Variants in MYO16 observed in about 807,000 individuals in gnomAD.
The protein encoded by MYO16 is unconventional myosin-XVI.
MYO16 carries 94 observed loss-of-function variants against 205.3 expected under a neutral mutation model. That is an observed-to-expected ratio of 0.46 (90% CI 0.39 to 0.54). The LOEUF is 0.54. MYO16 is among the 20% of genes least tolerant of loss of function. MYO16 has a pLI of 0.00. For synonymous variants in MYO16, 988 were observed against 954.0 expected (o/e 1.04, Z -0.66); for missense variants, 2,315 against 2,387.5 (o/e 0.97, Z 0.63).
At chr13:108,516,824 T>G in the MYO16 span, among the ~76,000 whole-genome samples, 1 of 152,228 alleles carries the variant, frequency 6.6e-6, no homozygotes, top group Admixed American at 6.5e-5. Context: ...TCAGTTTTGC[T>G]GCTGGGTACA....
chr13:108,793,328 T>C (rs977903812), intron 5 of MYO16, among the ~76,000 whole-genome samples, 188 bp from the exon 6 acceptor site: 1 of 148,522 alleles, frequency 6.7e-6, no homozygotes, highest in African/African-American at 2.6e-5. Flanking sequence ...TAATTTTATA[T>C]TTTTTAAAGA....
intron 4 of MYO16, among the ~76,000 whole-genome samples, chr13:108,771,840 A>G (rs1183751284): frequency 6.6e-6 from 1 of 151,944 alleles, no homozygotes; most frequent in Admixed American, 6.6e-5. Context: ...TCATTTTTGT[A>G]TAACTGTGAC....
In MYO16 at chr13:109,032,190, G is replaced by A. The variant is rs117014116; in HGVS notation, c.2796+12279G>A. Among the ~76,000 whole-genome samples the A allele has an allele frequency of 2.0e-5, 3 of 152,174 alleles. No homozygotes were observed. In the East Asian group the frequency reaches 5.8e-4, roughly 29 times the overall value. On this transcript the variant is annotated intron_variant, in intron 23 of 34. Coordinates refer to ENST00000457511, the MANE Select transcript of MYO16 (RefSeq NM_001198950.3). ...TGATTCCACATAGACCCTCTCTACTGGACTCCATGATTTCCAACTTCCCAT... is the reference window on the plus strand; with the variant it reads ...TGATTCCACATAGACCCTCTCTACTAGACTCCATGATTTCCAACTTCCCAT...
intron 16 of MYO16, among the ~76,000 whole-genome samples, chr13:108,941,045 CCAA>C (rs1361793730): frequency 6.6e-6 from 1 of 152,074 alleles, no homozygotes; most frequent in African/African-American, 2.4e-5. Flanking sequence ...GGTTTTCACA[CCAA>C]CAACAAAAAC....
rs866700848 is a variant in MYO16 at position 109,023,653 on chromosome 13, A to C, written c.2796+3742A>C. ...GACAAATATATATACAAATATATGTATATATGTATATATGCAAATATATGT... is the reference window on the plus strand; with the variant it reads ...GACAAATATATATACAAATATATGTCTATATGTATATATGCAAATATATGT... On this transcript the variant is annotated intron_variant, in intron 23 of 34. Coordinates refer to ENST00000457511, the MANE Select transcript of MYO16 (RefSeq NM_001198950.3). Among the ~76,000 whole-genome samples the C allele has an allele frequency of 3.5e-3, 445 of 128,744 alleles. 4 individuals carry two copies. The highest frequency in any genetic ancestry group is 0.012 in the African/African-American group (422 of 34,362). 84.5% of individuals were successfully genotyped at this position (128,744 alleles called of 152,430 possible).
chr13:109,155,643 TA>T (rs1432157059), intron 32 of MYO16, among the ~76,000 whole-genome samples: 1 of 152,240 alleles, frequency 6.6e-6, no homozygotes, highest in Non-Finnish European at 1.5e-5. Flanking sequence ...CCATCACCAC[TA>T]GACTCAGACG....
At chr13:108,635,493 T>C (rs1880180806) in intron 1 of MYO16, among the ~76,000 whole-genome samples, 2 of 148,984 alleles carry the variant, frequency 1.3e-5, no homozygotes, top group Admixed American at 1.3e-4. Flanking sequence ...GTGGTGTAGA[T>C]GGTTTACCTA....
chr13:108,932,845 C>T (rs1452772314), intron 16 of MYO16, among the ~76,000 whole-genome samples: 2 of 152,086 alleles, frequency 1.3e-5, no homozygotes, highest in Admixed American at 1.3e-4. Flanking sequence ...AGCCAAAGTT[C>T]CCACAGACAC....
chr13:109,173,289 C>T (rs1161226596), intron 33 of MYO16, among the ~76,000 whole-genome samples: 1 of 152,120 alleles, frequency 6.6e-6, no homozygotes, highest in Non-Finnish European at 1.5e-5. Flanking sequence ...AAAATACATA[C>T]CAAGGAGACT....
intron 16 of MYO16, among the ~76,000 whole-genome samples, chr13:108,944,976 G>A (rs1882878807): frequency 6.6e-6 from 1 of 152,132 alleles, no homozygotes; most frequent in South Asian, 2.1e-4. Flanking sequence ...ATAACAGAAT[G>A]CTAATTATTT....
intron 20 of MYO16, among the ~76,000 whole-genome samples, chr13:108,969,776 C>A (rs768035341): frequency 6.6e-6 from 1 of 152,144 alleles, no homozygotes; most frequent in Non-Finnish European, 1.5e-5. Flanking sequence ...TCGAGAACTG[C>A]GGATTGTTAA....
At chr13:108,941,118 T>C (rs1341161621) in intron 16 of MYO16, among the ~76,000 whole-genome samples, 1 of 150,216 alleles carries the variant, frequency 6.7e-6, no homozygotes, top group Non-Finnish European at 1.5e-5. Flanking sequence ...CAAAAACGAG[T>C]GAGACACAGG....
chr13:108,759,225 G>C (rs1885517233), intron 4 of MYO16, among the ~76,000 whole-genome samples: 1 of 152,030 alleles, frequency 6.6e-6, no homozygotes, highest in Non-Finnish European at 1.5e-5. Flanking sequence ...TGTATAACTA[G>C]AGCAGATGTT....
intron 32 of MYO16, among the ~76,000 whole-genome samples, chr13:109,142,091 T>C (rs532315502): frequency 6.6e-6 from 1 of 152,326 alleles, no homozygotes; most frequent in Non-Finnish European, 1.5e-5. Flanking sequence ...TGTAGAAGAA[T>C]GTACCTGGCA....
At chr13:108,885,281 G>A (rs971416888) in intron 13 of MYO16, among the ~76,000 whole-genome samples, 3 of 152,182 alleles carry the variant, frequency 2.0e-5, no homozygotes, top group Admixed American at 2.0e-4. Flanking sequence ...CACCACGCCC[G>A]GCTAATTTTG....
rs1481266389 is a variant in MYO16 at position 108,608,640 on chromosome 13, T to G, written c.-39+12401T>G. 3.5e-5 allele frequency among the ~76,000 whole-genome samples: 4 copies of G among 113,016 alleles called. No homozygotes were observed. The Admixed American group carries it at 3.6e-4, about 10-fold the overall frequency. The allele number at this position is 113,016 out of a possible 152,430, so 74.1% of individuals were successfully genotyped here. ...GCAGAAACAAATATCTGAACCCACT[T>G]ACCCACAAATGATTTTTTTTTTGAG... is the stretch of plus-strand genomic sequence containing the variant. On this transcript the variant is annotated intron_variant, in intron 1 of 24. Coordinates refer to the MYO16 transcript ENST00000251041.
In MYO16 at chr13:109,162,215, G is replaced by A. The variant is rs1878421855; in HGVS notation, c.5165-2686G>A. Reference sequence around the variant, plus strand: ...CTGCAATTTAAATACATCAGTTGATGAGATAGAAATCAGTTGTGAGGGAGG... The same window carrying A: ...CTGCAATTTAAATACATCAGTTGATAAGATAGAAATCAGTTGTGAGGGAGG... On this transcript the variant is annotated intron_variant, in intron 32 of 34. Coordinates refer to ENST00000457511, the MANE Select transcript of MYO16 (RefSeq NM_001198950.3). The surrounding 1 kb of genome is among the most constrained non-coding windows in gnomAD (Gnocchi z 4.6). 1.3e-5 allele frequency among the ~76,000 whole-genome samples: 2 copies of A among 152,232 alleles called. No homozygotes were observed. Among genetic ancestry groups the A allele is most frequent in the Non-Finnish European group, 2.9e-5 (2 of 68,040 alleles).
chr13:109,196,250 G>GT (rs1304113245), intron 34 of MYO16, among the ~76,000 whole-genome samples: 1 of 152,126 alleles, frequency 6.6e-6, no homozygotes, highest in Non-Finnish European at 1.5e-5. Context: ...AATCACCAAG[G>GT]TTTTCTCAAT....
At chr13:109,172,228 T>TA (rs113720559) in intron 33 of MYO16, among the ~76,000 whole-genome samples, 1,667 of 152,292 alleles carry the variant, frequency 0.011, 35 homozygotes, top group African/African-American at 0.038. Context: ...TTGGAACGCA[T>TA]ACCCTTGTCT....
Sources: gnomAD v4.1 joint callset for allele counts (sites outside exome capture counted in the v4.1 genomes callset) on GRCh38, gnomAD v4.1.1 for gene constraint, Gnocchi (gnomAD v3.1) non-coding constraint, MANE v1.5 for transcripts, NCBI Gene and HGNC (gene_info 2026-07-23, HGNC 2026-07-21) for gene names.